The following RNF217 variants were observed in gnomAD, a reference collection of about 807,000 sequenced individuals.
The protein encoded by RNF217 is ring finger protein 217.
A neutral mutation model predicts 57.8 loss-of-function variants in RNF217; 31 were observed. That is an observed-to-expected ratio of 0.54 (90% confidence interval 0.40 to 0.72). RNF217 has a LOEUF of 0.72. Among genes scored for constraint, RNF217 ranks in the 30% least tolerant of loss-of-function variants. The probability of loss-of-function intolerance (pLI) is 0.00; values close to 1 mark genes in which losing one functional copy is unlikely to be tolerated. For synonymous variants in RNF217, 313 were observed against 294.0 expected, an observed-to-expected ratio of 1.06 and a Z score of -0.66; for missense variants, 696 against 708.3, an observed-to-expected ratio of 0.98 and a Z score of 0.20.
intron 3 of RNF217, among the ~76,000 whole-genome samples, chr6:125,064,842 GTA>G (rs536950766): frequency 2.0e-5 from 3 of 151,536 alleles, no homozygotes; most frequent in Admixed American, 6.6e-5. Flanking sequence ...ATGTACGTGT[GTA>G]TATATATATA....
chr6:125,066,037 GACTC>G (rs1787926301), intron 3 of RNF217, among the ~76,000 whole-genome samples: 1 of 152,098 alleles, frequency 6.6e-6, no homozygotes, highest in Non-Finnish European at 1.5e-5. Context: ...GGTTATCCCA[GACTC>G]TGCTTCTTTC....
intron 2 of RNF217, among the ~76,000 whole-genome samples, chr6:125,055,683 A>G (rs183212043): frequency 5.3e-5 from 8 of 152,324 alleles, no homozygotes; most frequent in Admixed American, 2.0e-4. Context: ...AATGTCCAAT[A>G]GAAGATAACC....
chr6:124,973,514 G>A (rs923883901), intron 1 of RNF217, among the ~76,000 whole-genome samples: 41 of 152,142 alleles, frequency 2.7e-4, no homozygotes, highest in Non-Finnish European at 4.3e-4. Context: ...GAAGAGAATA[G>A]GTGCTCAATA....
intron 2 of RNF217, among the ~76,000 whole-genome samples, chr6:125,047,749 A>G (rs1787151445): frequency 6.6e-6 from 1 of 151,982 alleles, no homozygotes; most frequent in South Asian, 2.1e-4. Context: ...GTAGAGGAAA[A>G]GAAAATTTGC....
At chr6:125,066,842 A>G (rs1013381946) in intron 3 of RNF217, among the ~76,000 whole-genome samples, 1 of 152,222 alleles carries the variant, frequency 6.6e-6, no homozygotes, top group East Asian at 1.9e-4. Flanking sequence ...ATAAATGAAT[A>G]TACTTTTTCA....
chr6:125,067,164 G>A (rs1035731719), intron 3 of RNF217, among the ~76,000 whole-genome samples: 3 of 152,178 alleles, frequency 2.0e-5, no homozygotes, highest in Non-Finnish European at 4.4e-5. Context: ...AGTGTTTGAT[G>A]TCTCTAGGAG....
At chr6:125,056,894 A>C (rs1787543776) in intron 2 of RNF217, among the ~76,000 whole-genome samples, 1 of 152,202 alleles carries the variant, frequency 6.6e-6, no homozygotes, top group African/African-American at 2.4e-5. Flanking sequence ...GAAGTCAGAT[A>C]AAATATCCTC....
chr6:125,074,290 AAGATAGGTAGATAGATAGATAGAT>A (rs1788266169), intron 3 of RNF217, among the ~76,000 whole-genome samples: 1 of 139,766 alleles, frequency 7.2e-6, no homozygotes. Context: ...CGGTAGACAG[AAGATAGGTAGATAGATAGATAGAT>A]AGATAGATAG....
intron 1 of RNF217, among the ~76,000 whole-genome samples, chr6:124,967,375 C>T (rs537796123): frequency 6.6e-6 from 1 of 152,120 alleles, no homozygotes; most frequent in African/African-American, 2.4e-5. Flanking sequence ...AAATCTTCCA[C>T]CAATATTTTT....
At chr6:125,063,934 A>G (rs1787844783) in intron 3 of RNF217, among the ~76,000 whole-genome samples, 1 of 152,174 alleles carries the variant, frequency 6.6e-6, no homozygotes, top group South Asian at 2.1e-4. Flanking sequence ...CTATAATAGA[A>G]TGCTTTGGGC....
At chr6:125,044,910 A>T (rs1787036752) in intron 1 of RNF217, among the ~76,000 whole-genome samples, 1 of 152,066 alleles carries the variant, frequency 6.6e-6, no homozygotes, top group Non-Finnish European at 1.5e-5. Flanking sequence ...GTTTCCAGAA[A>T]CATGAGATGA....
intron 1 of RNF217, chr6:125,009,021 T>G: frequency 2.8e-6 from 1 of 360,084 alleles, no homozygotes; most frequent in South Asian, 1.2e-4. Context: ...ACATGTAATT[T>G]TATACCTCAT....
chr6:125,068,444 A>G (rs950628471), intron 3 of RNF217, among the ~76,000 whole-genome samples: 4 of 152,190 alleles, frequency 2.6e-5, no homozygotes, highest in Admixed American at 1.3e-4. Context: ...AAGCTCATCT[A>G]TTGAGTACTG....
At chr6:125,016,621 A>G (rs1223652904) in intron 1 of RNF217, among the ~76,000 whole-genome samples, 1 of 152,070 alleles carries the variant, frequency 6.6e-6, no homozygotes, top group Non-Finnish European at 1.5e-5. Context: ...ACCACGGAAT[A>G]CTGTGCAGCC....
intron 1 of RNF217, among the ~76,000 whole-genome samples, chr6:125,015,791 G>A (rs1269724617): frequency 6.6e-6 from 1 of 151,980 alleles, no homozygotes; most frequent in Non-Finnish European, 1.5e-5. Flanking sequence ...ATGTAAAGGG[G>A]CATTCATTGC....
intron 4 of RNF217, among the ~76,000 whole-genome samples, chr6:125,079,912 C>T (rs997767427): frequency 6.6e-6 from 1 of 151,942 alleles, no homozygotes; most frequent in African/African-American, 2.4e-5. Context: ...TGCCTAGTCC[C>T]TTAAAACAGT....
At chr6:125,071,386 C>T (rs1252596679) in intron 3 of RNF217, among the ~76,000 whole-genome samples, 1 of 151,936 alleles carries the variant, frequency 6.6e-6, no homozygotes, top group African/African-American at 2.4e-5. Context: ...GGGTTGCCAG[C>T]ATTTTTTGGA....
intron 1 of RNF217, among the ~76,000 whole-genome samples, chr6:124,976,793 A>G (rs1045519771): frequency 3.9e-5 from 6 of 152,150 alleles, no homozygotes; most frequent in African/African-American, 1.4e-4. Flanking sequence ...GTGTGAGCCA[A>G]TGTATCTGGC....
In RNF217 at chr6:124,969,363, A is replaced by G. The variant is rs139194543; in HGVS notation, c.882+5937A>G. Among the ~76,000 whole-genome samples the G allele has an allele frequency of 2.3e-3, 353 of 152,240 alleles. 2 individuals carry two copies. Among genetic ancestry groups the G allele is most frequent in the African/African-American group, 8.0e-3 (333 of 41,544 alleles). ...ATTCATGACATACTTAAAAATGTTT[A>G]TTTTTTTCAAATTCAGTTTGTCAGA... On this transcript the variant is annotated intron_variant, in intron 1 of 5. Coordinates refer to ENST00000521654, the MANE Select transcript of RNF217 (RefSeq NM_001286398.3).
Sources: gnomAD v4.1 joint callset for allele counts (sites outside exome capture counted in the v4.1 genomes callset) on GRCh38, gnomAD v4.1.1 for gene constraint, MANE v1.5 for transcripts, NCBI Gene and HGNC (gene_info 2026-07-23, HGNC 2026-07-21) for gene names.